Variants in RFX1 observed in about 807,000 individuals in gnomAD.
The protein encoded by RFX1 is MHC class II regulatory factor RFX1.
In RFX1, 42 loss-of-function variants were observed where a neutral mutation model predicts 119.6. The ratio of observed to expected loss-of-function variants is 0.35; its 90% CI spans 0.27 to 0.45. The LOEUF (loss-of-function observed/expected upper bound fraction) is 0.45. Among genes scored for constraint, RFX1 ranks in the 20% least tolerant of loss-of-function variants. The probability of loss-of-function intolerance (pLI) is 1.00; values close to 1 mark genes in which losing one functional copy is unlikely to be tolerated. For synonymous variants in RFX1, 628 were observed against 618.5 expected (o/e 1.02, Z -0.23); for missense variants, 1,118 against 1,368.1 (o/e 0.82, Z 2.88).
intron 1 of RFX1, among the ~76,000 whole-genome samples, chr19:13,999,024 A>G (rs1975126937): frequency 6.6e-6 from 1 of 152,172 alleles, no homozygotes; most frequent in Non-Finnish European, 1.5e-5. Flanking sequence ...CAACTTCTCT[A>G]TTGGAGGCCT....
chr19:13,966,767 G>T lies in RFX1; in HGVS notation c.1733-16C>A, dbSNP rs766532331. On this transcript the variant is annotated splice_polypyrimidine_tract_variant and intron_variant, in intron 12 of 20. Transcript: ENST00000254325. The surrounding 1 kb of genome is among the most constrained non-coding windows in gnomAD (Gnocchi z 6.3). ...CGAGAGGCATCTAGGGGGCCGGGGGGAACCGTGAGGCCCTTCATCCCCCTT... is the reference window on the plus strand; with the variant it reads ...CGAGAGGCATCTAGGGGGCCGGGGGTAACCGTGAGGCCCTTCATCCCCCTT... The T allele has an allele frequency of 3.9e-6, 6 of 1,552,774 alleles. No homozygotes were observed. Among genetic ancestry groups the T allele is most frequent in the Non-Finnish European group, 5.3e-6 (6 of 1,134,450 alleles).
chr19:13,997,677 G>A (rs994561077), intron 1 of RFX1, among the ~76,000 whole-genome samples: 1 of 152,228 alleles, frequency 6.6e-6, no homozygotes, highest in Non-Finnish European at 1.5e-5. Flanking sequence ...GCTTGGGAGG[G>A]ACTCCAGGAC....
intron 9 of RFX1, among the ~76,000 whole-genome samples, chr19:13,971,707 C>CA (rs1173110559): frequency 6.6e-6 from 1 of 151,798 alleles, no homozygotes; most frequent in African/African-American, 2.4e-5. Context: ...CCTGTCTCTA[C>CA]AAAAAAAATT....
chr19:13,991,970 C>T (rs1320177936), intron 2 of RFX1, among the ~76,000 whole-genome samples: 1 of 152,050 alleles, frequency 6.6e-6, no homozygotes, highest in East Asian at 1.9e-4. Flanking sequence ...CCAATTGCTA[C>T]ATGTTTTGAT....
At chr19:13,987,391 C>T (rs974391031) in intron 2 of RFX1, among the ~76,000 whole-genome samples, 15 of 152,200 alleles carry the variant, frequency 9.9e-5, no homozygotes, top group Middle Eastern at 3.4e-3. Flanking sequence ...GGTTTGGTGT[C>T]GGCTGGTGTC....
At chr19:13,997,376 C>T (rs76109309) in intron 1 of RFX1, among the ~76,000 whole-genome samples, 3,368 of 152,318 alleles carry the variant, frequency 0.022, 56 homozygotes, top group Middle Eastern at 0.065. Flanking sequence ...AGAGCCCCTA[C>T]GGCTCCATCT....
chr19:14,006,021 A>G (rs907426523), intron 1 of RFX1, 82 bp downstream of exon 1: 30 of 149,922 alleles, frequency 2.0e-4, no homozygotes, highest in African/African-American at 7.4e-4. Context: ...TTCCCCCCGG[A>G]CTGTGATTAC....
At chr19:13,994,937 T>TATATATATATAA (rs1194739757) in intron 1 of RFX1, among the ~76,000 whole-genome samples, 1 of 111,502 alleles carries the variant, frequency 9.0e-6, no homozygotes, top group African/African-American at 3.3e-5. Flanking sequence ...TATATATATA[T>TATATATATATAA]AATCATTTTT....
chr19:13,983,542 C>A lies in RFX1; in HGVS notation c.373G>T (p.Ala125Ser). 4 of 1,611,332 alleles carry A rather than the reference C, an allele frequency of 2.5e-6. No homozygotes were observed. The highest frequency in any genetic ancestry group is 3.4e-6 in the Non-Finnish European group (4 of 1,179,532). The change falls in exon 3 of 21, where the codon GCC (alanine) becomes TCC (serine). Residue 125 changes from alanine to serine, a missense_variant. By Grantham distance (99) the Ala-to-Ser change is moderately conservative. Coordinates refer to ENST00000254325, the MANE Select transcript of RFX1 (RefSeq NM_002918.5). ...TGAGTAGGAACGCCGGTCTGGCTGG[C>A]GGTGGAGCCGGGGCTGGCCTCCGAC... ...TVSEASPGST[A>S]SQTGVPTQVV...
At chr19:14,005,734 A>G (rs193198568) in intron 1 of RFX1, among the ~76,000 whole-genome samples, 623 of 149,180 alleles carry the variant, frequency 4.2e-3, no homozygotes, top group Non-Finnish European at 5.1e-3. Flanking sequence ...CCCCGCCCAT[A>G]CCTTCCCTCC....
intron 9 of RFX1, 103 bp downstream of exon 9, chr19:13,972,640 G>C (rs939381322): frequency 2.3e-5 from 19 of 820,420 alleles, no homozygotes; most frequent in Non-Finnish European, 7.5e-6. Flanking sequence ...GGCCACACAG[G>C]CTCCTGCTAG....
At chr19:13,981,790 G>A (rs1264966461) in intron 5 of RFX1, among the ~76,000 whole-genome samples, 7 of 152,192 alleles carry the variant, frequency 4.6e-5, no homozygotes, top group Admixed American at 4.6e-4. Flanking sequence ...CCCACCCTCC[G>A]GGGGGAAGAG....
chr19:14,001,921 A>C (rs1234800430), intron 1 of RFX1, among the ~76,000 whole-genome samples: 1 of 152,202 alleles, frequency 6.6e-6, no homozygotes, highest in Non-Finnish European at 1.5e-5. Context: ...GGATCACCTG[A>C]GGTCAGGAGT....
rs745709625 is a variant in RFX1, at chr19:13,993,690, G to A, written c.154C>T (p.Pro52Ser). 6.3e-7 allele frequency: 1 copy of A among 1,585,266 alleles called. No individual in the cohort carries two copies. Reference sequence around the variant, plus strand: ...CTCTGCAGCTCGGTGACATATTGGGGCTGAGGGGTGGCAGCAGCGGTGGGT... The same window carrying A: ...CTCTGCAGCTCGGTGACATATTGGGACTGAGGGGTGGCAGCAGCGGTGGGT... The part of the protein sequence containing the change: ...QPPTAAATPQ[P>S]QYVTELQSPQ... Residue 52 changes from proline to serine, a missense_variant, in exon 2 of 21, where the codon CCC (proline) becomes TCC (serine). Physicochemically the swap from Pro to Ser is moderately conservative, Grantham distance 74 (BLOSUM62 -1). Transcript: ENST00000254325.
At chr19:13,992,335 CA>C (rs1974835064) in intron 2 of RFX1, among the ~76,000 whole-genome samples, 1 of 152,212 alleles carries the variant, frequency 6.6e-6, no homozygotes, top group African/African-American at 2.4e-5. Flanking sequence ...CCCACCAGAG[CA>C]CTGAGTCAGT....
Position 13,966,873 on chromosome 19 carries a change from G to C in RFX1, c.1733-122C>G. On this transcript the variant is annotated intron_variant, in intron 12 of 20. Transcript: ENST00000254325. The surrounding 1 kb of genome is among the most constrained non-coding windows in gnomAD (Gnocchi z 6.3). ...CCCATGTGCCGGTGAGACAACGCTA[G>C]GTGGGGTGAGCGCCTGGCCCGGGCC... is the stretch of plus-strand genomic sequence containing the variant. 1.5e-6 allele frequency: 1 copy of C among 648,854 alleles called. No homozygotes were observed. The highest frequency in any genetic ancestry group is 2.6e-6 in the Non-Finnish European group (1 of 381,232). 40.2% of individuals were successfully genotyped at this position (648,854 alleles called of 1,614,324 possible). A position where few individuals can be genotyped will look rare whatever the true frequency, so the allele number is the denominator to read the frequency against.
At chr19:13,984,645 C>T (rs1235288128) in intron 2 of RFX1, among the ~76,000 whole-genome samples, 3 of 152,116 alleles carry the variant, frequency 2.0e-5, no homozygotes, top group African/African-American at 7.2e-5. Context: ...CCCAGCAGCT[C>T]CAGAGGCCGA....
chr19:13,967,339 T>G (rs997060557), intron 12 of RFX1, among the ~76,000 whole-genome samples: 3 of 151,818 alleles, frequency 2.0e-5, no homozygotes, highest in Non-Finnish European at 4.4e-5. Flanking sequence ...TGTTGTTTAC[T>G]TTGTCTTTTT....
chr19:13,967,143 C>T (rs940452403), intron 12 of RFX1, among the ~76,000 whole-genome samples: 17 of 152,132 alleles, frequency 1.1e-4, no homozygotes, highest in Non-Finnish European at 1.9e-4. Context: ...CATGGACAGT[C>T]GCCCTAGGGA....
Sources: gnomAD v4.1 joint callset for allele counts (sites outside exome capture counted in the v4.1 genomes callset) on GRCh38, gnomAD v4.1.1 for gene constraint, Gnocchi (gnomAD v3.1) non-coding constraint, MANE v1.5 for transcripts, NCBI Gene and HGNC (gene_info 2026-07-23, HGNC 2026-07-21) for gene names.